RAB40C: variants seen among roughly 807,000 people sequenced by gnomAD.
RAB40C encodes the protein RAB40C, member RAS oncogene family.
A neutral mutation model predicts 28.1 loss-of-function variants in RAB40C; 8 were observed. The observed-to-expected ratio is 0.28, with a 90% CI of 0.17 to 0.51. The LOEUF is 0.51. Among genes scored for constraint, RAB40C ranks in the 20% least tolerant of loss-of-function variants. The pLI is 0.97. For synonymous variants in RAB40C, 201 were observed against 171.7 expected, an observed-to-expected ratio of 1.17 and a Z score of -1.34; for missense variants, 288 against 405.9, an observed-to-expected ratio of 0.71 and a Z score of 2.50.
chr16:621,340 C>T (rs544829892), intron 3 of RAB40C, among the ~76,000 whole-genome samples: 35 of 152,354 alleles, frequency 2.3e-4, no homozygotes, highest in African/African-American at 6.0e-4. Flanking sequence ...GGGTTTCTCC[C>T]GCCGCCCCTG....
chr16:608,448 T>A (rs1220375334), intron 1 of RAB40C, among the ~76,000 whole-genome samples: 1 of 152,234 alleles, frequency 6.6e-6, no homozygotes, highest in African/African-American at 2.4e-5. Context: ...CCTGAAGGGC[T>A]AGGTGCTGTG....
At chr16:592,736 C>A (rs1013913036) in intron 1 of RAB40C, among the ~76,000 whole-genome samples, 3 of 152,252 alleles carry the variant, frequency 2.0e-5, no homozygotes, top group Admixed American at 2.0e-4. Context: ...TTTCATCAAT[C>A]GGTGTTTTCC....
chr16:594,442 C>T (rs2036068270), intron 1 of RAB40C, among the ~76,000 whole-genome samples: 1 of 152,174 alleles, frequency 6.6e-6, no homozygotes, highest in South Asian at 2.1e-4. Context: ...CCACACGCTG[C>T]CTGCTGTACC....
rs1028687225 is a variant in RAB40C at position 610,869 on chromosome 16, A to C, written c.143-6339A>C. Among the ~76,000 whole-genome samples the C allele has an allele frequency of 6.6e-6, 1 of 152,144 alleles. No homozygotes were observed. The highest frequency in any genetic ancestry group is 2.4e-5 in the African/African-American group (1 of 41,432). Reference sequence around the variant, plus strand: ...GAGTCCAGACCTTTTCCAGAGTGACATCCTGGGGCCCTGTGTGGTCAGAGG... The same window carrying C: ...GAGTCCAGACCTTTTCCAGAGTGACCTCCTGGGGCCCTGTGTGGTCAGAGG... On this transcript the variant is annotated intron_variant, in intron 1 of 5. Coordinates refer to ENST00000248139, the MANE Select transcript of RAB40C (RefSeq NM_021168.5). This position sits in a 1 kb window ranked among gnomAD's most constrained non-coding sequence, Gnocchi z 4.6.
rs2036625709 is a variant in RAB40C at position 618,092 on chromosome 16, G to C, written c.204-108G>C. On this transcript the variant is annotated intron_variant, in intron 2 of 5. Coordinates refer to ENST00000248139, the MANE Select transcript of RAB40C (RefSeq NM_021168.5). ...CACAGCCTCATTGGCACCTGTCCTG[G>C]CCGCCCCGCTCCCCTCAGGACATCC... 3.8e-6 allele frequency: 4 copies of C among 1,039,636 alleles called. No homozygotes were observed. The Admixed American group carries it at 6.9e-5, about 18-fold the overall frequency. 64.4% of individuals were successfully genotyped at this position (1,039,636 alleles called of 1,614,324 possible).
intron 3 of RAB40C, among the ~76,000 whole-genome samples, chr16:622,307 G>A (rs1268958476): frequency 1.3e-5 from 2 of 151,618 alleles, no homozygotes; most frequent in African/African-American, 2.4e-5. Context: ...ACGAGCAGGC[G>A]GGGGTGCTGG....
chr16:600,490 C>T (rs1037372072), intron 1 of RAB40C, among the ~76,000 whole-genome samples: 16 of 152,162 alleles, frequency 1.1e-4, no homozygotes, highest in Admixed American at 9.2e-4. Context: ...CGGTGGCTCA[C>T]GCCTGTGATC....
At chr16:591,706 C>T (rs539107905) in intron 1 of RAB40C, among the ~76,000 whole-genome samples, 1 of 151,870 alleles carries the variant, frequency 6.6e-6, no homozygotes, top group South Asian at 2.1e-4. Context: ...ATTCCCCTGT[C>T]TCAGCCTCCC....
rs2036822463 is a variant in RAB40C, at chr16:626,018, G to A, written c.462G>A (p.Glu154=). The change falls in exon 5 of 6, where the codon GAG becomes GAA. Residue 154 remains glutamate (E), a synonymous_variant. Transcript: ENST00000248139. ...YAEKNCMTFF[E]VSPLCNFNVI... is the part of the protein sequence containing the mutation. Reference sequence around the variant, plus strand: ...AGAAGAACTGCATGACCTTCTTTGAGGTCAGCCCCCTGTGCAACTTCAACG... The same window carrying A: ...AGAAGAACTGCATGACCTTCTTTGAAGTCAGCCCCCTGTGCAACTTCAACG... 2 of 1,613,316 alleles carry A rather than the reference G, an allele frequency of 1.2e-6. No individual in the cohort carries two copies. The highest frequency in any genetic ancestry group is 2.2e-5 in the East Asian group (1 of 44,888).
chr16:596,439 G>A (rs930899589), intron 1 of RAB40C: 1 of 421,442 alleles, frequency 2.4e-6, no homozygotes, highest in South Asian at 1.7e-5. Flanking sequence ...CCTCCCCTGC[G>A]CAGCACATGG....
In RAB40C at chr16:590,310, C is replaced by A; in HGVS notation, c.19C>A (p.Pro7Thr). The A allele has an allele frequency of 6.3e-7, 1 of 1,576,210 alleles. No individual in the cohort carries two copies. The highest frequency in any genetic ancestry group is 8.6e-7 in the Non-Finnish European group (1 of 1,164,362). The stretch of plus-strand genomic sequence containing the variant: ...CGCGGCCATGGGCTCGCAGGGCAGT[C>A]CGGTGAAGAGCTACGACTACCTGCT... MGSQGSPVKSYDYLLKF... is the reference protein window; with the variant it reads MGSQGSTVKSYDYLLKF... The change falls in exon 1 of 6, where the codon CCG becomes ACG. Residue 7 changes from proline (P) to threonine (T), a missense_variant. Around this residue, in one of 3 missense-constraint regions of RAB40C, gnomAD observed 78 missense variants for 88.2 expected, o/e 0.88. Transcript: ENST00000248139.
At chr16:614,025 G>A (rs1223045315) in intron 1 of RAB40C, among the ~76,000 whole-genome samples, 1 of 152,172 alleles carries the variant, frequency 6.6e-6, no homozygotes, top group African/African-American at 2.4e-5. Context: ...ATGGTGAACT[G>A]CCTAACTCTA....
At chr16:609,112 CTCAAAAAATAAAAA>C (rs1350653970) in intron 1 of RAB40C, among the ~76,000 whole-genome samples, 2 of 152,122 alleles carry the variant, frequency 1.3e-5, no homozygotes, top group African/African-American at 4.8e-5. Context: ...GAGACACCTT[CTCAAAAAATAAAAA>C]TAAAAACGTG....
At chr16:608,093 C>A (rs1181857488) in intron 1 of RAB40C, among the ~76,000 whole-genome samples, 1 of 152,166 alleles carries the variant, frequency 6.6e-6, no homozygotes, top group Admixed American at 6.6e-5. Flanking sequence ...CAGACTGGGT[C>A]ATTTGTAAAG....
intron 1 of RAB40C, among the ~76,000 whole-genome samples, chr16:604,832 G>C (rs2036327193): frequency 6.6e-6 from 1 of 152,202 alleles, no homozygotes; most frequent in African/African-American, 2.4e-5. Flanking sequence ...GGCCGAGGCA[G>C]GCAGATCACT....
At chr16:623,437 C>G (rs759297002) in intron 3 of RAB40C, among the ~76,000 whole-genome samples, 2 of 151,042 alleles carry the variant, frequency 1.3e-5, no homozygotes, top group African/African-American at 2.4e-5. Context: ...ATCGGGAGGT[C>G]AGGAGATCAA....
chr16:596,647 G>A (rs2036131677), intron 1 of RAB40C, among the ~76,000 whole-genome samples: 1 of 152,256 alleles, frequency 6.6e-6, no homozygotes, highest in Non-Finnish European at 1.5e-5. Flanking sequence ...GTCGGGAGAA[G>A]GATGTGCAGA....
At chr16:611,117 G>C (rs560634876) in intron 1 of RAB40C, among the ~76,000 whole-genome samples, 1 of 152,208 alleles carries the variant, frequency 6.6e-6, no homozygotes, top group Admixed American at 6.5e-5. Flanking sequence ...GACGTCCAGC[G>C]GGAGGAGCAT....
intron 1 of RAB40C, among the ~76,000 whole-genome samples, chr16:601,625 T>A (rs2151064307): frequency 6.6e-6 from 1 of 152,012 alleles, no homozygotes; most frequent in South Asian, 2.1e-4. Flanking sequence ...AAAAATAGAA[T>A]TGTTATCCTA....
Sources: allele counts gnomAD v4.1 joint callset (sites outside exome capture counted in the v4.1 genomes callset), GRCh38; gene constraint gnomAD v4.1.1; regional missense constraint gnomAD v4.1.1; non-coding constraint Gnocchi (gnomAD v3.1); transcripts MANE v1.5; gene names NCBI Gene and HGNC (gene_info 2026-07-23, HGNC 2026-07-21).